The following CFH variants were observed in gnomAD, a reference collection of about 807,000 sequenced individuals.
The protein encoded by CFH is complement factor H.
Under a neutral mutation model 147.3 loss-of-function variants are expected in CFH, and 53 were observed. The ratio of observed to expected loss-of-function variants is 0.36; its 90% CI spans 0.29 to 0.45. The LOEUF is 0.45. Among genes scored for constraint, CFH ranks in the 20% least tolerant of loss-of-function variants. The pLI, the probability that CFH is intolerant of heterozygous loss-of-function variation, is 1.00. For synonymous variants in CFH, 536 were observed against 489.4 expected (o/e 1.10, Z -1.26); for missense variants, 1,380 against 1,498.0 (o/e 0.92, Z 1.30).
intron 1 of CFH, among the ~76,000 whole-genome samples, chr1:196,654,423 C>T (rs558468100): frequency 2.0e-5 from 3 of 152,060 alleles, no homozygotes; most frequent in South Asian, 2.1e-4. Flanking sequence ...TGTGTAGGAA[C>T]GTTAATTGCC....
chr1:196,736,137 A>T (rs183405785), intron 15 of CFH, among the ~76,000 whole-genome samples: 1 of 152,244 alleles, frequency 6.6e-6, no homozygotes, highest in Admixed American at 6.5e-5. Context: ...GTGAGTTTAC[A>T]AAGGTGTCTT....
Position 196,689,337 on chromosome 1 carries a change from T to G in CFH, c.965-83T>G, listed in dbSNP as rs937956361. The G allele has an allele frequency of 4.0e-6, 5 of 1,246,712 alleles. No homozygotes were observed. In the East Asian group the frequency reaches 1.3e-4, roughly 32 times the overall value. 77.2% of individuals were successfully genotyped at this position (1,246,712 alleles called of 1,614,324 possible). The stretch of plus-strand genomic sequence containing the variant: ...TAATTATACTAAGAAGAGAATATAA[T>G]TCAGTGATAAAAATTTATCTCTAAT... On this transcript the variant is annotated intron_variant, in intron 7 of 21. Coordinates refer to ENST00000367429, the MANE Select transcript of CFH (RefSeq NM_000186.4).
At chr1:196,738,420 C>T (rs977790604) in intron 17 of CFH, among the ~76,000 whole-genome samples, 2 of 152,156 alleles carry the variant, frequency 1.3e-5, no homozygotes, top group African/African-American at 4.8e-5. Flanking sequence ...GCTTATGAGC[C>T]TGTAAAATCA....
rs748692496 is a variant in CFH at position 196,679,730 on chromosome 1, T to C, written c.727T>C (p.Tyr243His). Residue 243 changes from tyrosine to histidine, a missense_variant, in exon 6 of 22, where the codon TAC becomes CAC. Physicochemically the swap from Tyr to His is moderately conservative, Grantham distance 83 (BLOSUM62 2). Transcript: ENST00000367429. ...FQYKCNMGYE[Y>H]SERGDAVCTE... ...ATATAAATGTAACATGGGTTATGAA[T>C]ACAGTGAAAGAGGAGATGCTGTATG... The C allele has an allele frequency of 6.2e-6, 10 of 1,611,966 alleles. No homozygotes were observed. The South Asian group carries it at 9.9e-5, about 16-fold the overall frequency.
chr1:196,746,537 A>T (rs193053835), intron 21 of CFH, among the ~76,000 whole-genome samples: 24,587 of 152,160 alleles, frequency 0.16, 2,503 homozygotes, highest in East Asian at 0.48. Context: ...ATATATTTTG[A>T]TGTTTGACAA....
At chr1:196,725,339 T>G in intron 12 of CFH, 42 bp downstream of exon 12, 1 of 1,582,976 alleles carries the variant, frequency 6.3e-7, no homozygotes, top group East Asian at 2.2e-5. Flanking sequence ...GAATTAGAAC[T>G]TTGAATACCA....
rs1213368147 is a variant in CFH, at chr1:196,738,063, AG to A, written c.2782+404del. On this transcript the variant is annotated intron_variant, in intron 17 of 21. Transcript: ENST00000367429. The stretch of plus-strand genomic sequence containing the variant: ...CAAACGCATGAAGACAGGAAGGAGA[AG>A]TTCTGACCAAAGGGAAAAGGCCCTT... Among the ~76,000 whole-genome samples the A allele has an allele frequency of 5.9e-5, 9 of 152,250 alleles. No homozygotes were observed. In the East Asian group the frequency reaches 1.7e-3, roughly 29 times the overall value.
chr1:196,711,981 C>T (rs1344810831), intron 9 of CFH, among the ~76,000 whole-genome samples: 1 of 152,050 alleles, frequency 6.6e-6, no homozygotes, highest in Non-Finnish European at 1.5e-5. Context: ...CTAGTGAACT[C>T]ATCTTCTTTG....
chr1:196,692,885 C>T lies in CFH; in HGVS notation c.1336+2646C>T, dbSNP rs61819917. Among the ~76,000 whole-genome samples the T allele has an allele frequency of 4.9e-3, 260 of 53,538 alleles. 12 individuals carry two copies. The highest frequency in any genetic ancestry group is 0.015 in the African/African-American group (150 of 9,984). 35.1% of individuals were successfully genotyped at this position (53,538 alleles called of 152,430 possible). ...CCCTCCCTCCCTCTGTCACCTCCCT[C>T]CCTCCCTCCCTCCCTCCCTTCCTTC... On this transcript the variant is annotated intron_variant, in intron 9 of 21. Coordinates refer to ENST00000367429, the MANE Select transcript of CFH (RefSeq NM_000186.4).
At chr1:196,714,306 C>T (rs528226391) in intron 10 of CFH, among the ~76,000 whole-genome samples, 1 of 151,866 alleles carries the variant, frequency 6.6e-6, no homozygotes, top group Non-Finnish European at 1.5e-5. Flanking sequence ...GATATGGATG[C>T]CTAGTGCATA....
At chr1:196,740,919 T>A in intron 18 of CFH, 127 bp downstream of exon 18, 2 of 958,234 alleles carry the variant, frequency 2.1e-6, no homozygotes, top group Non-Finnish European at 3.3e-6. Flanking sequence ...TCTGGACTGC[T>A]GTGGGAAATT....
chr1:196,733,034 G>C (rs1669315795), intron 15 of CFH, among the ~76,000 whole-genome samples: 1 of 152,002 alleles, frequency 6.6e-6, no homozygotes. Flanking sequence ...TCATCTCCCA[G>C]TGTGAGTTTG....
At chr1:196,732,858 ACT>A (rs1174743737) in intron 15 of CFH, among the ~76,000 whole-genome samples, 1 of 151,852 alleles carries the variant, frequency 6.6e-6, no homozygotes, top group Non-Finnish European at 1.5e-5. Flanking sequence ...TTTATCTCCC[ACT>A]CTCTCTCTGT....
chr1:196,687,787 A>G (rs1573024717), intron 7 of CFH, among the ~76,000 whole-genome samples: 4 of 152,238 alleles, frequency 2.6e-5, no homozygotes, highest in South Asian at 4.1e-4. Flanking sequence ...GTTACTTAAA[A>G]GAAATAAGAC....
intron 11 of CFH, among the ~76,000 whole-genome samples, chr1:196,724,105 G>T (rs1407911783): frequency 6.6e-6 from 1 of 152,046 alleles, no homozygotes; most frequent in Non-Finnish European, 1.5e-5. Context: ...GAAAGTGAAT[G>T]CTACAGTCTT....
intron 15 of CFH, among the ~76,000 whole-genome samples, chr1:196,736,419 C>A (rs1669402173): frequency 6.6e-6 from 1 of 151,878 alleles, no homozygotes; most frequent in Non-Finnish European, 1.5e-5. Flanking sequence ...TGTTTTAATC[C>A]AATCCTGATA....
chr1:196,695,311 G>T (rs978054163), intron 9 of CFH, among the ~76,000 whole-genome samples: 16 of 152,090 alleles, frequency 1.1e-4, no homozygotes, highest in African/African-American at 2.4e-4. Flanking sequence ...AAGATCAAAT[G>T]GTTGTAGATG....
Position 196,737,561 on chromosome 1 carries a change from A to T in CFH, c.2683A>T (p.Thr895Ser). Residue 895 changes from threonine to serine, a missense_variant, in exon 17 of 22, where the codon ACT becomes TCT. Coordinates refer to ENST00000367429, the MANE Select transcript of CFH (RefSeq NM_000186.4). Reference protein sequence around the residue: ...RSSQESYAHGTKLSYTCEGGF... With the variant: ...RSSQESYAHGSKLSYTCEGGF... ...TTCACAAGAAAGTTATGCACATGGG[A>T]CTAAATTGAGTTATACTTGTGAGGG... 6.2e-7 allele frequency: 1 copy of T among 1,613,254 alleles called. No individual in the cohort carries two copies. The highest frequency in any genetic ancestry group is 8.5e-7 in the Non-Finnish European group (1 of 1,179,424).
At chr1:196,668,930 G>A (rs187926056) in intron 1 of CFH, among the ~76,000 whole-genome samples, 4 of 152,300 alleles carry the variant, frequency 2.6e-5, no homozygotes, top group African/African-American at 7.2e-5. Context: ...ATGGGCAGAG[G>A]TTGGAACAGT....
Sources: allele counts gnomAD v4.1 joint callset (sites outside exome capture counted in the v4.1 genomes callset), GRCh38; gene constraint gnomAD v4.1.1; transcripts MANE v1.5; gene names NCBI Gene and HGNC (gene_info 2026-07-23, HGNC 2026-07-21).